Variants in TASP1 observed in about 807,000 individuals in gnomAD.
The protein encoded by TASP1 is taspase 1.
In TASP1, 16 loss-of-function variants were observed where a neutral mutation model predicts 56.6. The ratio of observed to expected loss-of-function variants is 0.28; its 90% confidence interval spans 0.19 to 0.43. TASP1 has a LOEUF of 0.43. Among genes scored for constraint, TASP1 ranks in the 20% least tolerant of loss-of-function variants. The pLI is 1.00. For missense variants in TASP1, 393 were observed against 511.6 expected, an observed-to-expected ratio of 0.77 and a Z score of 2.24; for synonymous variants, 179 against 184.2, an observed-to-expected ratio of 0.97 and a Z score of 0.23.
At chr20:13,213,298 A>T in the TASP1 span, among the ~76,000 whole-genome samples, 70,624 of 151,978 alleles carry the variant, frequency 0.46, 17,801 homozygotes, top group African/African-American at 0.68. Context: ...AAAAAATGCA[A>T]CATAAAGCTA....
chr20:13,496,005 A>G (rs1046687203), intron 10 of TASP1, among the ~76,000 whole-genome samples: 1 of 152,136 alleles, frequency 6.6e-6, no homozygotes, highest in East Asian at 1.9e-4. Context: ...TTAAAAATCT[A>G]TAAGCGTATG....
chr20:13,552,039 C>T (rs914651333), intron 8 of TASP1, among the ~76,000 whole-genome samples: 1 of 152,156 alleles, frequency 6.6e-6, no homozygotes, highest in South Asian at 2.1e-4. Context: ...CATCACAGGA[C>T]AAACAGTCCA....
the TASP1 span, chr20:13,288,621 G>A: frequency 6.2e-6 from 10 of 1,613,870 alleles, no homozygotes; most frequent in African/African-American, 1.3e-5. Flanking sequence ...AAACGGACCC[G>A]GTCTTGTGGC....
Position 13,541,624 on chromosome 20 carries a change from T to C in TASP1, c.676-7483A>G, listed in dbSNP as rs139001144. Among the ~76,000 whole-genome samples, 31 of 152,246 alleles carry C rather than the reference T, an allele frequency of 2.0e-4. No homozygotes were observed. In the East Asian group the frequency reaches 6.0e-3, roughly 29 times the overall value. On this transcript the variant is annotated intron_variant, in intron 8 of 13. Coordinates refer to ENST00000337743, the MANE Select transcript of TASP1 (RefSeq NM_017714.3). ...TACATTGCCCATCTCTCTGACAAGA[T>C]GATAGGCTTCATGAAGGCAGGAACC...
At chr20:13,107,788 T>C in the TASP1 span, among the ~76,000 whole-genome samples, 3 of 151,868 alleles carry the variant, frequency 2.0e-5, no homozygotes, top group Non-Finnish European at 4.4e-5. Context: ...TTTTTTTTTT[T>C]TGTATCTGTT....
chr20:13,595,566 G>C (rs1289422870), intron 4 of TASP1, among the ~76,000 whole-genome samples: 2 of 152,042 alleles, frequency 1.3e-5, no homozygotes, highest in Admixed American at 1.3e-4. Flanking sequence ...AAAAAGCAGG[G>C]GTTGCAATCC....
chr20:13,489,486 T>C (rs981895819), intron 10 of TASP1, among the ~76,000 whole-genome samples: 1 of 150,904 alleles, frequency 6.6e-6, no homozygotes, highest in East Asian at 2.0e-4. Context: ...TGCATGAGCA[T>C]CAAGGACCAT....
chr20:13,502,674 C>G (rs190933169), intron 10 of TASP1, among the ~76,000 whole-genome samples: 1 of 141,956 alleles, frequency 7.0e-6, no homozygotes, highest in East Asian at 2.0e-4. Context: ...GAATTTGTGA[C>G]AAGGTAGGAG....
intron 13 of TASP1, among the ~76,000 whole-genome samples, chr20:13,401,428 G>A (rs1170246702): frequency 1.3e-5 from 2 of 152,024 alleles, no homozygotes; most frequent in Admixed American, 6.6e-5. Context: ...TCCACCAAAT[G>A]CCTACTATGT....
intron 6 of TASP1, among the ~76,000 whole-genome samples, chr20:13,572,600 C>A (rs1018905752): frequency 4.1e-5 from 6 of 145,646 alleles, no homozygotes; most frequent in African/African-American, 1.5e-4. Flanking sequence ...GCAGGAGAAC[C>A]GCTTGAACTC....
At chr20:13,584,816 T>A (rs951524652) in intron 5 of TASP1, among the ~76,000 whole-genome samples, 2 of 152,170 alleles carry the variant, frequency 1.3e-5, no homozygotes, top group African/African-American at 4.8e-5. Flanking sequence ...ACAACTCATA[T>A]GAAATAGACA....
the TASP1 span, among the ~76,000 whole-genome samples, chr20:13,292,888 T>C: frequency 2.6e-5 from 4 of 152,002 alleles, no homozygotes; most frequent in African/African-American, 7.2e-5. Flanking sequence ...TGCACCTCCA[T>C]CCCCTGCAAA....
At chr20:13,217,384 C>T in the TASP1 span, among the ~76,000 whole-genome samples, 13 of 152,256 alleles carry the variant, frequency 8.5e-5, no homozygotes, top group South Asian at 2.7e-3. Flanking sequence ...TACATTGAAA[C>T]TACTCTTTGC....
the TASP1 span, among the ~76,000 whole-genome samples, chr20:13,255,683 G>T: frequency 6.6e-6 from 1 of 152,170 alleles, no homozygotes; most frequent in Non-Finnish European, 1.5e-5. Flanking sequence ...ATTACAACAA[G>T]TCATTCCCTC....
the TASP1 span, among the ~76,000 whole-genome samples, chr20:13,132,003 A>C: frequency 6.6e-6 from 1 of 152,054 alleles, no homozygotes; most frequent in South Asian, 2.1e-4. Context: ...CTCCCACAGA[A>C]GGGTCTTTGC....
chr20:13,406,961 C>T (rs1018671968), intron 13 of TASP1, among the ~76,000 whole-genome samples: 11 of 152,060 alleles, frequency 7.2e-5, no homozygotes, highest in African/African-American at 1.7e-4. Context: ...CCACCGTGCC[C>T]GGCTATTTTG....
At chr20:13,483,509 A>T (rs1006598155) in intron 10 of TASP1, among the ~76,000 whole-genome samples, 172 bp from the exon 11 acceptor site, 10 of 152,294 alleles carry the variant, frequency 6.6e-5, no homozygotes, top group African/African-American at 2.4e-4. Flanking sequence ...TAGTAAAGAG[A>T]TTCAGCAGAA....
chr20:13,453,245 C>A (rs959600577), intron 11 of TASP1, among the ~76,000 whole-genome samples: 2 of 151,970 alleles, frequency 1.3e-5, no homozygotes, highest in African/African-American at 4.8e-5. Flanking sequence ...TCACTGAAAT[C>A]GGAACAGCAG....
At chr20:13,335,491 G>C in the TASP1 span, among the ~76,000 whole-genome samples, 881 of 152,126 alleles carry the variant, frequency 5.8e-3, 2 homozygotes, top group South Asian at 0.017. Context: ...CGTGATTTTA[G>C]AGTACCCAAT....
Sources: gnomAD v4.1 joint callset for allele counts (sites outside exome capture counted in the v4.1 genomes callset) on GRCh38, gnomAD v4.1.1 for gene constraint, MANE v1.5 for transcripts, NCBI Gene and HGNC (gene_info 2026-07-23, HGNC 2026-07-21) for gene names.